Variants in HSPA8 observed in about 807,000 individuals in gnomAD.
The protein encoded by HSPA8 is heat shock protein family A (Hsp70) member 8, also known as heat shock cognate 71 kDa protein.
Under a neutral mutation model 52.8 loss-of-function variants are expected in HSPA8, and 2 were observed. The observed-to-expected ratio is 0.04, with a 90% CI of 0.02 to 0.12. HSPA8 has a LOEUF of 0.12. Among genes scored for constraint, HSPA8 ranks in the 10% least tolerant of loss-of-function variants. The probability of loss-of-function intolerance (pLI) is 1.00; values close to 1 mark genes in which losing one functional copy is unlikely to be tolerated. For missense variants in HSPA8, 349 were observed against 800.5 expected, an observed-to-expected ratio of 0.44 and a Z score of 6.81; for synonymous variants, 436 against 274.0, an observed-to-expected ratio of 1.59 and a Z score of -5.84.
chr11:123,057,761 T>G lies in HSPA8; in HGVS notation c.1914A>C (p.Ser638=). The G allele has an allele frequency of 6.2e-7, 1 of 1,613,012 alleles. No homozygotes were observed. Among genetic ancestry groups the G allele is most frequent in the African/African-American group, 1.3e-5 (1 of 74,968 alleles). ...GGAPPSGGAS[S]GPTIEEVD ...AATCAACCTCTTCAATGGTGGGCCC[T>G]GAGGAAGCACCACCAGAGGGAGGAG... Residue 638 remains serine, a synonymous_variant, in exon 9 of 9, where the codon TCA becomes TCC. Transcript: ENST00000534624.
chr11:123,060,350 G>A, intron 3 of HSPA8, 82 bp from the exon 4 acceptor site: 2 of 1,337,752 alleles, frequency 1.5e-6, no homozygotes, highest in Non-Finnish European at 2.1e-6. Context: ...TAATGCTGGT[G>A]AAAGAACAGC....
chr11:123,061,021 G>C, intron 2 of HSPA8, 99 bp downstream of exon 2: 1 of 1,095,134 alleles, frequency 9.1e-7, no homozygotes, highest in Admixed American at 2.1e-5. Flanking sequence ...TCTCAGCTCA[G>C]TTTTTCTAAA....
chr11:123,059,870 A>G lies in HSPA8; in HGVS notation c.723T>C (p.Phe241=), dbSNP rs750169512. ...TATGCTTGCGCTTAAACTCAGCAAT[A>G]AAATGGTTGACCATTCGGTTGTCAA... ...EDFDNRMVNH[F]IAEFKRKHKK... The change falls in exon 5 of 9, where the codon TTT becomes TTC. Residue 241 remains phenylalanine, a synonymous_variant. Transcript: ENST00000534624. 1.2e-6 allele frequency: 2 copies of G among 1,613,414 alleles called. No homozygotes were observed. The highest frequency in any genetic ancestry group is 3.3e-5 in the Admixed American group (2 of 59,998).
At position 123,057,671 on chromosome 11, in the gene HSPA8, C is replaced by G; in HGVS notation, c.*63G>C. The G allele has an allele frequency of 2.2e-6, 3 of 1,364,040 alleles. No homozygotes were observed. In the South Asian group the frequency reaches 4.2e-5, roughly 19 times the overall value. 84.5% of individuals were successfully genotyped at this position (1,364,040 alleles called of 1,614,324 possible). ...TTTAAAACTGCCACAGAATTTGCTA[C>G]GAATTTAGGTCCTTCAAATGTTTTA... is the stretch of plus-strand genomic sequence containing the variant. On this transcript the variant is annotated 3_prime_UTR_variant, in exon 9 of 9. Transcript: ENST00000534624.
Position 123,058,639 on chromosome 11 carries a change from A to G in HSPA8, c.1515T>C (p.Asn505=), listed in dbSNP as rs1481401964. Residue 505 remains asparagine, a synonymous_variant, in exon 7 of 9, where the codon AAT becomes AAC. Coordinates refer to ENST00000534624, the MANE Select transcript of HSPA8 (RefSeq NM_006597.6). ...TGKENKITIT[N]DKGRLSKEDI... ...ATGACAGTGCCTCCTTACCCTTGTC[A>G]TTAGTGATAGTAATCTTGTTCTCTT... 5.6e-6 allele frequency: 9 copies of G among 1,612,378 alleles called. No individual in the cohort carries two copies. Among genetic ancestry groups the G allele is most frequent in the African/African-American group, 1.3e-5 (1 of 74,878 alleles).
rs1309307921 is a variant in HSPA8, at chr11:123,060,037, A to T, written c.565-9T>A. On this transcript the variant is annotated splice_polypyrimidine_tract_variant and intron_variant, in intron 4 of 8. Transcript: ENST00000534624. ...TTTCTTTCTGCTCCAACCTGCCGTT[A>T]AAAACAATCTCATTTAAATTTACGA... is the stretch of plus-strand genomic sequence containing the variant. 2 of 1,614,066 alleles carry T rather than the reference A, an allele frequency of 1.2e-6. No homozygotes were observed.
At chr11:123,061,605 C>G (rs1292237308) in intron 1 of HSPA8, 2 of 484,212 alleles carry the variant, frequency 4.1e-6, no homozygotes, top group Non-Finnish European at 7.5e-6. Context: ...TGAGCACTGT[C>G]TGTTCCCCTC....
At chr11:123,060,836 T>A (rs756828552) in intron 2 of HSPA8, 38 bp from the exon 3 acceptor site, 1 of 1,562,172 alleles carries the variant, frequency 6.4e-7, no homozygotes, top group South Asian at 1.1e-5. Context: ...TTCAATTTCA[T>A]AGCTCTTCTG....
chr11:123,057,957 A>G, intron 8 of HSPA8, 38 bp from the exon 9 acceptor site: 1 of 1,481,574 alleles, frequency 6.7e-7, no homozygotes, highest in Non-Finnish European at 9.2e-7. Context: ...AAGTTCTTTT[A>G]ATGTTAATAA....
chr11:123,061,566 G>T, intron 1 of HSPA8: 1 of 556,618 alleles, frequency 1.8e-6, no homozygotes, highest in South Asian at 2.1e-5. Flanking sequence ...GGCGTGGGGC[G>T]TTGCTCAACA....
chr11:123,060,998 T>C (rs758689105), intron 2 of HSPA8, 122 bp downstream of exon 2: 4 of 954,984 alleles, frequency 4.2e-6, no homozygotes, highest in Non-Finnish European at 6.4e-6. Flanking sequence ...TATAACAGAC[T>C]TGATAACAAG....
In HSPA8 at chr11:123,058,699, T is replaced by A; in HGVS notation, c.1455A>T (p.Ile485=). ...TCTTGTCCACAGCAGAGACATTGAG[T>A]ATACCATTGGCATCAATGTCAAAAG... The part of the protein sequence containing the change: ...EVTFDIDANG[I]LNVSAVDKST... Residue 485 remains isoleucine (I), a synonymous_variant, in exon 7 of 9, where the codon ATA becomes ATT. Transcript: ENST00000534624. 2 of 1,613,584 alleles carry A rather than the reference T, an allele frequency of 1.2e-6. No homozygotes were observed. Among genetic ancestry groups the A allele is most frequent in the African/African-American group, 1.3e-5 (1 of 74,940 alleles).
chr11:123,061,439 T>A, intron 1 of HSPA8, 110 bp from the exon 2 acceptor site: 1 of 818,508 alleles, frequency 1.2e-6, no homozygotes, highest in Non-Finnish European at 2.0e-6. Context: ...CAAGAGGTAA[T>A]AGTGCCCATC....
At chr11:123,058,524 CCTGTGTATGTGTAACT>C in intron 7 of HSPA8, 40 bp from the exon 8 acceptor site, 1 of 1,593,222 alleles carries the variant, frequency 6.3e-7, no homozygotes, top group South Asian at 1.1e-5. Flanking sequence ...CCTTAAATTA[CCTGTGTATGTGTAACT>C]CTAGTTTCTC....
chr11:123,059,402 A>AACAATC (rs1242860292), intron 5 of HSPA8, 71 bp downstream of exon 5: 1 of 1,352,996 alleles, frequency 7.4e-7, no homozygotes, highest in Non-Finnish European at 1.0e-6. Flanking sequence ...ACGAATGTTT[A>AACAATC]ACAATCACTC....
At chr11:123,061,356 A>T in intron 1 of HSPA8, 27 bp from the exon 2 acceptor site, 2 of 1,529,924 alleles carry the variant, frequency 1.3e-6, no homozygotes, top group Non-Finnish European at 1.8e-6. Flanking sequence ...TCTGGTTTAA[A>T]AATTCAATTA....
intron 7 of HSPA8, 31 bp from the exon 8 acceptor site, chr11:123,058,515 C>G: frequency 6.2e-7 from 1 of 1,600,872 alleles, no homozygotes; most frequent in Non-Finnish European, 8.6e-7. Context: ...AAGTAAAAGC[C>G]TTAAATTACC....
rs760638348 is a variant in HSPA8, at chr11:123,057,883, C to T, written c.1792G>A (p.Glu598Lys). Residue 598 changes from glutamate (E) to lysine (K), a missense_variant, in exon 9 of 9, where the codon GAG becomes AAG. Transcript: ENST00000534624. ...EKEEFEHQQK[E>K]LEKVCNPIIT... Reference sequence around the variant, plus strand: ...ATGGGGTTGCAAACTTTCTCCAGCTCTTTCTGTTGATGTTCAAATTCTTCC... The same window carrying T: ...ATGGGGTTGCAAACTTTCTCCAGCTTTTTCTGTTGATGTTCAAATTCTTCC... The T allele has an allele frequency of 3.1e-6, 5 of 1,611,124 alleles. No homozygotes were observed. The highest frequency in any genetic ancestry group is 8.5e-7 in the Non-Finnish European group (1 of 1,179,230).
intron 8 of HSPA8, 32 bp downstream of exon 8, chr11:123,058,220 G>A (rs764501480): frequency 8.1e-7 from 1 of 1,231,452 alleles, no homozygotes; most frequent in Non-Finnish European, 1.1e-6. Context: ...CCATTGAGTG[G>A]GGGAGGAAAA....
Sources: gnomAD v4.1 joint callset for allele counts on GRCh38, gnomAD v4.1.1 for gene constraint, MANE v1.5 for transcripts, NCBI Gene and HGNC (gene_info 2026-07-23, HGNC 2026-07-21) for gene names.